MAP3K1: variants seen among roughly 807,000 people sequenced by gnomAD.
The protein encoded by MAP3K1 is mitogen-activated protein kinase kinase kinase 1.
Under a neutral mutation model 144.2 loss-of-function variants are expected in MAP3K1, and 36 were observed. That is an observed-to-expected ratio of 0.25 (90% CI 0.19 to 0.33). The LOEUF (loss-of-function observed/expected upper bound fraction) is 0.33, where lower values mean the gene tolerates loss of function less well. Ranked by LOEUF, MAP3K1 falls within the 10% of genes least tolerant of loss-of-function variation. The probability of loss-of-function intolerance (pLI) is 1.00; values close to 1 mark genes in which losing one functional copy is unlikely to be tolerated. For missense variants in MAP3K1, 1,650 were observed against 1,881.9 expected (o/e 0.88, Z 2.28); for synonymous variants, 718 against 688.7 (o/e 1.04, Z -0.67).
chr5:56,819,898 G>C (rs987203988), intron 1 of MAP3K1, among the ~76,000 whole-genome samples: 1 of 152,154 alleles, frequency 6.6e-6, no homozygotes, highest in Non-Finnish European at 1.5e-5. Flanking sequence ...TGTAAGATTA[G>C]GAGTAACCCA....
At chr5:56,855,550 G>T (rs1379254373) in intron 1 of MAP3K1, among the ~76,000 whole-genome samples, 1 of 152,044 alleles carries the variant, frequency 6.6e-6, no homozygotes. Context: ...CCTTTCTAGT[G>T]AATATTTTTT....
At chr5:56,874,188 G>A (rs1747945025) in intron 9 of MAP3K1, among the ~76,000 whole-genome samples, 2 of 152,070 alleles carry the variant, frequency 1.3e-5, no homozygotes, top group Admixed American at 1.3e-4. Context: ...CAAAACATAT[G>A]TAAATAAGTA....
chr5:56,856,547 A>G (rs1747348678), intron 1 of MAP3K1, 53 bp from the exon 2 acceptor site: 3 of 1,486,532 alleles, frequency 2.0e-6, no homozygotes, highest in Non-Finnish European at 2.8e-6. Flanking sequence ...GTTCTTGGAA[A>G]TTATTTTTCA....
At chr5:56,844,921 A>G (rs1746944501) in intron 1 of MAP3K1, among the ~76,000 whole-genome samples, 1 of 152,190 alleles carries the variant, frequency 6.6e-6, no homozygotes. Context: ...CCCAGTTAAC[A>G]TGCCTTTTTA....
Position 56,882,755 on chromosome 5 carries a change from A to C in MAP3K1, c.3555A>C (p.Glu1185Asp), listed in dbSNP as rs749787995. The C allele has an allele frequency of 1.1e-5, 18 of 1,612,394 alleles. No homozygotes were observed. The Admixed American group carries it at 2.5e-4, about 22-fold the overall frequency. ...GCAAAGAGAAGATGGAAGCTGAAGAAGAAGAAGCTTTAGCAATTGCCATGG... is the reference window on the plus strand; with the variant it reads ...GCAAAGAGAAGATGGAAGCTGAAGACGAAGAAGCTTTAGCAATTGCCATGG... ...QKCKEKMEAEEEEALAIAMAM... is the reference protein window; with the variant it reads ...QKCKEKMEAEDEEALAIAMAM... The change falls in exon 14 of 20, where the codon GAA (glutamate) becomes GAC (aspartate). Residue 1185 changes from glutamate (E) to aspartate (D), a missense_variant. By Grantham distance (45) the Glu-to-Asp change is conservative (BLOSUM62 2). Transcript: ENST00000399503.
chr5:56,847,177 G>C (rs1747024577), intron 1 of MAP3K1, among the ~76,000 whole-genome samples: 2 of 152,200 alleles, frequency 1.3e-5, no homozygotes, highest in African/African-American at 4.8e-5. Context: ...CCTTTCGTTT[G>C]ATGATGTTTA....
intron 15 of MAP3K1, 45 bp from the exon 16 acceptor site, chr5:56,884,619 T>G (rs773003698): frequency 6.3e-7 from 1 of 1,583,988 alleles, no homozygotes; most frequent in Non-Finnish European, 8.7e-7. Context: ...ATCAGATTGC[T>G]AGTGAAAATA....
At chr5:56,820,422 T>A in intron 1 of MAP3K1, 1 of 984,722 alleles carries the variant, frequency 1.0e-6, no homozygotes, top group Non-Finnish European at 1.2e-6. Context: ...GCAGGCATTC[T>A]AATAGACCAT....
chr5:56,821,083 C>T (rs777892726), intron 1 of MAP3K1, among the ~76,000 whole-genome samples: 39 of 152,010 alleles, frequency 2.6e-4, no homozygotes, highest in African/African-American at 2.2e-4. Context: ...CTACTAGTTA[C>T]GAAAACAACA....
chr5:56,860,603 A>G (rs1410098965), intron 3 of MAP3K1, among the ~76,000 whole-genome samples: 1 of 152,142 alleles, frequency 6.6e-6, no homozygotes, highest in East Asian at 1.9e-4. Flanking sequence ...CTATAATCCC[A>G]CCACTTTGGG....
rs1265077329 is a variant in MAP3K1 at position 56,823,572 on chromosome 5, T to TGAGAGGGA, written c.482+7518_482+7525dup. 5.9e-5 allele frequency among the ~76,000 whole-genome samples: 9 copies of TGAGAGGGA among 152,334 alleles called. No individual in the cohort carries two copies. In the East Asian group the frequency reaches 1.7e-3, roughly 29 times the overall value. ...CATAAATATTTATTGAATAAATGAA[T>TGAGAGGGA]GAGAGGGATAATGGCATGGCATGTT... On this transcript the variant is annotated intron_variant, in intron 1 of 19. Coordinates refer to ENST00000399503, the MANE Select transcript of MAP3K1 (RefSeq NM_005921.2).
chr5:56,881,186 A>C lies in MAP3K1; in HGVS notation c.2283A>C (p.Ile761=). Residue 761 remains isoleucine, a synonymous_variant, in exon 13 of 20, where the codon ATA becomes ATC. Transcript: ENST00000399503. ...WQELLGRLCL[I]DRLLLEFPAE... ...AACTTCTTGGCCGCCTTTGTCTTATAGATAGACTGTTGTTGGAATTTCCTG... is the reference window on the plus strand; with the variant it reads ...AACTTCTTGGCCGCCTTTGTCTTATCGATAGACTGTTGTTGGAATTTCCTG... The C allele has an allele frequency of 6.2e-7, 1 of 1,613,790 alleles. No individual in the cohort carries two copies. The highest frequency in any genetic ancestry group is 8.5e-7 in the Non-Finnish European group (1 of 1,179,832).
chr5:56,864,058 T>G (rs1195556829), intron 3 of MAP3K1, among the ~76,000 whole-genome samples: 1 of 152,178 alleles, frequency 6.6e-6, no homozygotes, highest in African/African-American at 2.4e-5. Context: ...GAAGTTGGAT[T>G]TTTAGTTTTT....
chr5:56,856,817 A>G (rs976248843), intron 2 of MAP3K1, 67 bp downstream of exon 2: 46 of 1,506,630 alleles, frequency 3.1e-5, no homozygotes, highest in African/African-American at 6.9e-5. Flanking sequence ...GTAAGCATAA[A>G]TAGATCCTCT....
At chr5:56,883,471 T>C (rs1188135152) in intron 14 of MAP3K1, 56 bp from the exon 15 acceptor site, 6 of 1,554,108 alleles carry the variant, frequency 3.9e-6, no homozygotes, top group Non-Finnish European at 5.3e-6. Flanking sequence ...TGCAGACTAA[T>C]TTCACAAAAT....
At chr5:56,889,575 T>G (rs1033109240) in intron 19 of MAP3K1, among the ~76,000 whole-genome samples, 2 of 152,206 alleles carry the variant, frequency 1.3e-5, no homozygotes, top group Non-Finnish European at 1.5e-5. Flanking sequence ...CACCATAGAA[T>G]AAGTAATGGT....
In MAP3K1 at chr5:56,865,332, C is replaced by T; in HGVS notation, c.1036-8C>T. On this transcript the variant is annotated splice_region_variant and splice_polypyrimidine_tract_variant and intron_variant, in intron 4 of 19. Coordinates refer to ENST00000399503, the MANE Select transcript of MAP3K1 (RefSeq NM_005921.2). ...ATTAACCTATAGGTTTTCTTTTTAA[C>T]TCTTTAGAACTGCAGCTGTGCACGT... 6.5e-7 allele frequency: 1 copy of T among 1,530,824 alleles called. No homozygotes were observed. The highest frequency in any genetic ancestry group is 9.0e-7 in the Non-Finnish European group (1 of 1,105,008). 94.8% of individuals were successfully genotyped at this position (1,530,824 alleles called of 1,614,324 possible).
chr5:56,868,026 G>T (rs116471330), intron 6 of MAP3K1, among the ~76,000 whole-genome samples: 1 of 152,186 alleles, frequency 6.6e-6, no homozygotes, highest in South Asian at 2.1e-4. Context: ...TATAGAAAAG[G>T]TATTACAAGT....
Position 56,879,096 on chromosome 5 carries a change from C to T in MAP3K1, c.2082C>T (p.Ala694=). 1 of 1,613,854 alleles carries T rather than the reference C, an allele frequency of 6.2e-7. No homozygotes were observed. The highest frequency in any genetic ancestry group is 1.1e-5 in the South Asian group (1 of 91,086). Residue 694 remains alanine (A), a synonymous_variant, in exon 11 of 20, where the codon GCC becomes GCT. Coordinates refer to ENST00000399503, the MANE Select transcript of MAP3K1 (RefSeq NM_005921.2). ...CCATCCTAGTCAAATGTGCAGATGC[C>T]AATAGGTAAGGCTTTATTGATGAAT... is the stretch of plus-strand genomic sequence containing the variant. ...VDTILVKCAD[A]NSRTSQLSIS... is the part of the protein sequence containing the mutation.
Sources: gnomAD v4.1 joint callset for allele counts (sites outside exome capture counted in the v4.1 genomes callset) on GRCh38, gnomAD v4.1.1 for gene constraint, MANE v1.5 for transcripts, NCBI Gene and HGNC (gene_info 2026-07-23, HGNC 2026-07-21) for gene names.